LARGE1: variants seen among roughly 807,000 people sequenced by gnomAD.
LARGE1 encodes LARGE xylosyl- and glucuronyltransferase 1.
In LARGE1, 43 loss-of-function variants were observed where a neutral mutation model predicts 87.6. The observed-to-expected ratio is 0.49, with a 90% CI of 0.38 to 0.63. The LOEUF (loss-of-function observed/expected upper bound fraction) is 0.63. Among genes scored for constraint, LARGE1 ranks in the 30% least tolerant of loss-of-function variants. The pLI is 0.00. For missense variants in LARGE1, 802 were observed against 1,000.2 expected, an observed-to-expected ratio of 0.80 and a Z score of 2.67; for synonymous variants, 434 against 394.6, an observed-to-expected ratio of 1.10 and a Z score of -1.18.
At chr22:33,466,410 A>T (rs2068611305) in intron 6 of LARGE1, among the ~76,000 whole-genome samples, 1 of 148,524 alleles carries the variant, frequency 6.7e-6, no homozygotes. Context: ...TTGAACACCC[A>T]GGCTCTTGTG....
rs116037717 is a variant in LARGE1 at position 33,783,001 on chromosome 22, G to A, written c.-82-21443C>T. Among the ~76,000 whole-genome samples the A allele has an allele frequency of 5.4e-3, 817 of 151,896 alleles. 6 individuals are homozygous for A. The highest frequency in any genetic ancestry group is 0.018 in the African/African-American group (764 of 41,420). On this transcript the variant is annotated intron_variant, in intron 1 of 14. Coordinates refer to ENST00000397394, the MANE Select transcript of LARGE1 (RefSeq NM_133642.5). Reference sequence around the variant, plus strand: ...GTCAGGCCATACACTACAGTGCTTCGGCCTGATTTAATTGGCATTGTAATG... The same window carrying A: ...GTCAGGCCATACACTACAGTGCTTCAGCCTGATTTAATTGGCATTGTAATG...
intron 6 of LARGE1, among the ~76,000 whole-genome samples, chr22:33,544,557 C>T (rs2077300069): frequency 2.0e-5 from 3 of 152,062 alleles, no homozygotes; most frequent in Admixed American, 6.6e-5. Flanking sequence ...TGTAGTGGTA[C>T]GCCTGTAATC....
chr22:33,565,778 C>T (rs1221302832), intron 5 of LARGE1, among the ~76,000 whole-genome samples: 3 of 151,570 alleles, frequency 2.0e-5, no homozygotes, highest in African/African-American at 4.8e-5. Context: ...ATGATCCTCA[C>T]ATAACATAAT....
intron 5 of LARGE1, among the ~76,000 whole-genome samples, chr22:33,578,435 C>A (rs1448961664): frequency 1.3e-5 from 2 of 152,070 alleles, no homozygotes; most frequent in Admixed American, 1.3e-4. Flanking sequence ...GTACTAGATA[C>A]TAAGGAAAGA....
At chr22:33,619,554 CAAAAAAAA>C (rs553269111) in intron 4 of LARGE1, among the ~76,000 whole-genome samples, 1 of 59,114 alleles carries the variant, frequency 1.7e-5, no homozygotes, top group African/African-American at 5.1e-5. Context: ...GACTCTGTCT[CAAAAAAAA>C]AAAAAAAAAG....
At chr22:33,773,001 C>A (rs2085120406) in intron 1 of LARGE1, among the ~76,000 whole-genome samples, 1 of 152,178 alleles carries the variant, frequency 6.6e-6, no homozygotes, top group African/African-American at 2.4e-5. Context: ...AAATGGAATC[C>A]ACACAGCATC....
In LARGE1 at chr22:33,274,545, C is replaced by T. The variant is rs1263627262; in HGVS notation, c.2153G>A (p.Arg718His). The T allele has an allele frequency of 3.1e-6, 5 of 1,613,892 alleles. No individual in the cohort carries two copies. Among genetic ancestry groups the T allele is most frequent in the African/African-American group, 1.3e-5 (1 of 74,836 alleles). ...ACAGATGCGGTATTGCTTGTTGGAA[C>T]GGAACTTGGTAATGTCGAAGCTGGG... ...HAPSFDITKF[R>H]SNKQYRICLK... The change falls in exon 15 of 15, where the codon CGT (arginine) becomes CAT (histidine). Residue 718 changes from arginine (R) to histidine (H), a missense_variant. By Grantham distance (29) the Arg-to-His change is conservative. Transcript: ENST00000397394.
chr22:33,378,971 T>G (rs1280955558), intron 9 of LARGE1, among the ~76,000 whole-genome samples: 1 of 152,050 alleles, frequency 6.6e-6, no homozygotes, highest in Non-Finnish European at 1.5e-5. Flanking sequence ...AGAGAAGAGG[T>G]ACATAAGGCA....
At chr22:33,072,984 A>T in the LARGE1 span, among the ~76,000 whole-genome samples, 4 of 152,150 alleles carry the variant, frequency 2.6e-5, no homozygotes, top group African/African-American at 9.7e-5. Context: ...GGAGAAAACC[A>T]GTTTTTCCTG....
At chr22:33,425,077 C>T (rs936262393) in intron 7 of LARGE1, among the ~76,000 whole-genome samples, 2 of 152,020 alleles carry the variant, frequency 1.3e-5, no homozygotes, top group Non-Finnish European at 2.9e-5. Context: ...GCCTGATCAA[C>T]GTGGTGAAAC....
intron 5 of LARGE1, among the ~76,000 whole-genome samples, chr22:33,579,241 T>C (rs2078441806): frequency 6.6e-6 from 1 of 152,172 alleles, no homozygotes; most frequent in Admixed American, 6.5e-5. Flanking sequence ...TGAGATCTGA[T>C]GGTTTTAAAA....
At chr22:33,105,983 G>A in the LARGE1 span, 1 of 152,258 alleles carries the variant, frequency 6.6e-6, no homozygotes, top group Non-Finnish European at 1.5e-5. Flanking sequence ...CCTGCTGAGA[G>A]TCTACCTTTT....
chr22:33,292,923 G>C (rs1932795196), intron 12 of LARGE1, among the ~76,000 whole-genome samples: 1 of 152,138 alleles, frequency 6.6e-6, no homozygotes, highest in Non-Finnish European at 1.5e-5. Flanking sequence ...TGGTGATTAA[G>C]AGAACTAAGA....
intron 9 of LARGE1, among the ~76,000 whole-genome samples, chr22:33,346,257 T>TTCTC (rs66972397): frequency 1.3e-5 from 2 of 149,772 alleles, no homozygotes; most frequent in African/African-American, 2.5e-5. Flanking sequence ...CCTTCCTCTC[T>TTCTC]TCTCTCTCTC....
Position 33,441,891 on chromosome 22 carries a change from G to A in LARGE1, c.788-9626C>T, listed in dbSNP as rs113459432. On this transcript the variant is annotated intron_variant, in intron 6 of 14. Transcript: ENST00000397394. ...TGCATGTCCTTCAGATGCGATCTAT[G>A]TACTCCAATTCATTGCCACTCATTT... 8.2e-4 allele frequency among the ~76,000 whole-genome samples: 125 copies of A among 152,302 alleles called. 1 individual carries two copies. The highest frequency in any genetic ancestry group is 2.5e-3 in the African/African-American group (102 of 41,560).
At chr22:33,483,998 T>C (rs1251308329) in intron 6 of LARGE1, among the ~76,000 whole-genome samples, 4 of 152,144 alleles carry the variant, frequency 2.6e-5, no homozygotes, top group African/African-American at 7.2e-5. Flanking sequence ...TCCTTGAGCA[T>C]ACGGGGTGCG....
At chr22:33,299,139 G>A (rs948430028) in intron 12 of LARGE1, among the ~76,000 whole-genome samples, 1 of 152,112 alleles carries the variant, frequency 6.6e-6, no homozygotes, top group African/African-American at 2.4e-5. Context: ...TTGAGCCTGG[G>A]GAGGTTGAGG....
chr22:33,604,359 T>C, intron 5 of LARGE1, 76 bp downstream of exon 5: 2 of 1,592,122 alleles, frequency 1.3e-6, no homozygotes, highest in South Asian at 2.2e-5. Context: ...CTGGCATTGC[T>C]ACAGTCTGCT....
chr22:33,386,848 C>T (rs560994916), intron 7 of LARGE1, among the ~76,000 whole-genome samples: 1 of 148,708 alleles, frequency 6.7e-6, no homozygotes, highest in Admixed American at 6.7e-5. Flanking sequence ...ACACCTGTGA[C>T]CCCAGCACTT....
Sources: gnomAD v4.1 joint callset for allele counts (sites outside exome capture counted in the v4.1 genomes callset) on GRCh38, gnomAD v4.1.1 for gene constraint, MANE v1.5 for transcripts, NCBI Gene and HGNC (gene_info 2026-07-23, HGNC 2026-07-21) for gene names.